RYK: variants seen among roughly 807,000 people sequenced by gnomAD.
The protein encoded by RYK is inactive tyrosine-protein kinase RYK.
Under a neutral mutation model 70.2 loss-of-function variants are expected in RYK, and 21 were observed. The ratio of observed to expected loss-of-function variants is 0.30; its 90% CI spans 0.21 to 0.43. The LOEUF (loss-of-function observed/expected upper bound fraction) is 0.43, where lower values mean the gene tolerates loss of function less well. Ranked by LOEUF, RYK falls within the 20% of genes least tolerant of loss-of-function variation. The probability of loss-of-function intolerance (pLI) is 1.00; values close to 1 mark genes in which losing one functional copy is unlikely to be tolerated. For synonymous variants in RYK, 267 were observed against 278.0 expected (o/e 0.96, Z 0.39); for missense variants, 604 against 753.3 (o/e 0.80, Z 2.32).
At chr3:134,201,949 C>T (rs2014040688) in intron 6 of RYK, among the ~76,000 whole-genome samples, 1 of 152,136 alleles carries the variant, frequency 6.6e-6, no homozygotes, top group African/African-American at 2.4e-5. Flanking sequence ...CCTAACTTGA[C>T]TATAATGTCC....
At chr3:134,226,391 C>T (rs2014912062) in intron 1 of RYK, among the ~76,000 whole-genome samples, 1 of 152,094 alleles carries the variant, frequency 6.6e-6, no homozygotes, top group Non-Finnish European at 1.5e-5. Context: ...GTCCAAATGG[C>T]TTCATTAGTG....
At chr3:134,208,987 G>A (rs1027603457) in intron 4 of RYK, among the ~76,000 whole-genome samples, 4 of 152,008 alleles carry the variant, frequency 2.6e-5, no homozygotes, top group African/African-American at 4.8e-5. Flanking sequence ...TTGGGTCACT[G>A]TAGCTTTGTG....
intron 1 of RYK, among the ~76,000 whole-genome samples, chr3:134,240,346 C>T (rs1410402652): frequency 6.6e-6 from 1 of 151,964 alleles, no homozygotes; most frequent in Non-Finnish European, 1.5e-5. Flanking sequence ...AGCTGGATGA[C>T]GGGTATACAG....
At chr3:134,219,113 G>C (rs960179520) in intron 2 of RYK, among the ~76,000 whole-genome samples, 2 of 152,094 alleles carry the variant, frequency 1.3e-5, no homozygotes, top group Non-Finnish European at 1.5e-5. Context: ...AAAATAATGT[G>C]AATGATATGG....
chr3:134,222,313 C>T, intron 2 of RYK, 105 bp downstream of exon 2: 1 of 1,154,124 alleles, frequency 8.7e-7, no homozygotes, highest in African/African-American at 1.5e-5. Flanking sequence ...TATCACATCA[C>T]CAGCGGACCC....
chr3:134,195,327 G>T, intron 6 of RYK, 145 bp from the exon 7 acceptor site: 2 of 599,248 alleles, frequency 3.3e-6, no homozygotes, highest in East Asian at 3.1e-5. Context: ...TTCCAATACT[G>T]ATATTTTAAT....
At chr3:134,245,954 A>G (rs933637192) in intron 1 of RYK, among the ~76,000 whole-genome samples, 11 of 152,204 alleles carry the variant, frequency 7.2e-5, no homozygotes, top group Non-Finnish European at 1.6e-4. Flanking sequence ...ACAGTCAAGG[A>G]TCACCAGATA....
chr3:134,160,806 G>C (rs746193361), intron 13 of RYK, among the ~76,000 whole-genome samples: 1 of 152,186 alleles, frequency 6.6e-6, no homozygotes, highest in East Asian at 1.9e-4. Context: ...GGTGAGCCGA[G>C]ATCGCGCCAC....
rs759595194 is a variant in RYK at position 134,184,746 on chromosome 3, C to A, written c.1103-1675G>T. Reference sequence around the variant, plus strand: ...CACCACTGCACTCCAGCCTGGGCAACAGAGCAAGACCCTGTCTCCCAAAAT... The same window carrying A: ...CACCACTGCACTCCAGCCTGGGCAAAAGAGCAAGACCCTGTCTCCCAAAAT... On this transcript the variant is annotated intron_variant, in intron 9 of 14. Coordinates refer to ENST00000623711, the MANE Select transcript of RYK (RefSeq NM_002958.4). 3.7e-4 allele frequency among the ~76,000 whole-genome samples: 56 copies of A among 151,982 alleles called. 1 individual carries two copies. The highest frequency in any genetic ancestry group is 3.7e-3 in the Admixed American group (56 of 15,274).
At chr3:134,191,070 A>G (rs1274014783) in intron 8 of RYK, among the ~76,000 whole-genome samples, 2 of 152,250 alleles carry the variant, frequency 1.3e-5, no homozygotes, top group Non-Finnish European at 2.9e-5. Flanking sequence ...AAAGGAATAC[A>G]TAAGGAGGAC....
intron 13 of RYK, among the ~76,000 whole-genome samples, chr3:134,169,483 C>T (rs1391728294): frequency 6.6e-6 from 1 of 152,028 alleles, no homozygotes; most frequent in Non-Finnish European, 1.5e-5. Flanking sequence ...CTTAAGAATG[C>T]CTACAATGAT....
At chr3:134,165,978 A>G (rs2012651726) in intron 13 of RYK, among the ~76,000 whole-genome samples, 1 of 152,228 alleles carries the variant, frequency 6.6e-6, no homozygotes, top group Admixed American at 6.5e-5. Flanking sequence ...TGGACTTAAG[A>G]CTTTGGAGCT....
intron 10 of RYK, among the ~76,000 whole-genome samples, chr3:134,182,411 A>G (rs1040279619): frequency 2.0e-5 from 3 of 152,202 alleles, no homozygotes; most frequent in African/African-American, 7.2e-5. Flanking sequence ...AAAGAAAACT[A>G]TCTTCTTTTT....
intron 1 of RYK, among the ~76,000 whole-genome samples, chr3:134,230,494 A>AC: frequency 6.6e-6 from 1 of 152,264 alleles, no homozygotes; most frequent in African/African-American, 2.4e-5. Flanking sequence ...GCTAATCAGC[A>AC]ATGAAAATAA....
At position 134,209,835 on chromosome 3, in the gene RYK, T is replaced by C; in HGVS notation, c.455-6A>G. On this transcript the variant is annotated splice_region_variant and splice_polypyrimidine_tract_variant and intron_variant, in intron 3 of 14. Transcript: ENST00000623711. ...GGAAAGCTCTACCCGAAACACTGTTTAAAAAAGATAAGAAAAATATTTTAC... is the reference window on the plus strand; with the variant it reads ...GGAAAGCTCTACCCGAAACACTGTTCAAAAAAGATAAGAAAAATATTTTAC... The C allele has an allele frequency of 2.7e-6, 4 of 1,460,692 alleles. No individual in the cohort carries two copies. Among genetic ancestry groups the C allele is most frequent in the Admixed American group, 3.2e-5 (1 of 31,554 alleles). 90.5% of individuals were successfully genotyped at this position (1,460,692 alleles called of 1,614,324 possible).
At chr3:134,173,989 G>A (rs35775034) in intron 13 of RYK, among the ~76,000 whole-genome samples, 46,581 of 152,116 alleles carry the variant, frequency 0.31, 8,578 homozygotes, top group Middle Eastern at 0.47. Flanking sequence ...ATGACAAAAC[G>A]TGATTAAGGA....
intron 1 of RYK, among the ~76,000 whole-genome samples, chr3:134,238,487 T>C (rs2015244288): frequency 6.6e-6 from 1 of 152,198 alleles, no homozygotes; most frequent in Non-Finnish European, 1.5e-5. Flanking sequence ...ACTGCCTTCT[T>C]TCTGCCTAAA....
At position 134,250,626 on chromosome 3, in the gene RYK, G is replaced by T; in HGVS notation, c.29C>A (p.Pro10Gln). ...GGCCCCCGGGAGGCAACTCCGGCCCGGCCGCCCCAGCCGCGCCGCCCCACG... is the reference window on the plus strand; with the variant it reads ...GGCCCCCGGGAGGCAACTCCGGCCCTGCCGCCCCAGCCGCGCCGCCCCACG... MRGAARLGR[P>Q]GRSCLPGARG... is the part of the protein sequence containing the mutation. Residue 10 changes from proline to glutamine, a missense_variant, in exon 1 of 15, where the codon CCG (proline) becomes CAG (glutamine). Coordinates refer to ENST00000623711, the MANE Select transcript of RYK (RefSeq NM_002958.4). The T allele has an allele frequency of 1.0e-6, 1 of 991,264 alleles. No homozygotes were observed. 61.4% of individuals were successfully genotyped at this position (991,264 alleles called of 1,614,324 possible).
At chr3:134,201,459 A>C (rs1457364396) in intron 6 of RYK, among the ~76,000 whole-genome samples, 1 of 152,244 alleles carries the variant, frequency 6.6e-6, no homozygotes, top group Non-Finnish European at 1.5e-5. Flanking sequence ...GAAAAAGCTT[A>C]CATTCTAAAG....
Sources: allele counts gnomAD v4.1 joint callset (sites outside exome capture counted in the v4.1 genomes callset), GRCh38; gene constraint gnomAD v4.1.1; transcripts MANE v1.5; gene names NCBI Gene and HGNC (gene_info 2026-07-23, HGNC 2026-07-21).